Variants in CLNK observed in about 807,000 individuals in gnomAD.
CLNK encodes the protein cytokine dependent hematopoietic cell linker.
In CLNK, 74 loss-of-function variants were observed where a neutral mutation model predicts 68.6. The ratio of observed to expected loss-of-function variants is 1.08; its 90% CI spans 0.89 to 1.31. The LOEUF (loss-of-function observed/expected upper bound fraction) is 1.31, where lower values mean the gene tolerates loss of function less well. Ranked by LOEUF, CLNK falls within the 50% of genes most tolerant of loss-of-function variation. The probability of loss-of-function intolerance (pLI) is 0.00; values close to 1 mark genes in which losing one functional copy is unlikely to be tolerated. For synonymous variants in CLNK, 198 were observed against 172.2 expected (o/e 1.15, Z -1.17); for missense variants, 553 against 515.3 (o/e 1.07, Z -0.71).
intron 1 of CLNK, among the ~76,000 whole-genome samples, chr4:10,682,052 T>A (rs1725111380): frequency 6.6e-6 from 1 of 152,054 alleles, no homozygotes; most frequent in South Asian, 2.1e-4. Context: ...ATTCTGCCCA[T>A]AAGAGTAACA....
At chr4:10,678,832 A>G (rs1724974002) in intron 1 of CLNK, among the ~76,000 whole-genome samples, 1 of 152,206 alleles carries the variant, frequency 6.6e-6, no homozygotes, top group Admixed American at 6.5e-5. Context: ...CTTCAAGGAG[A>G]ACTACAAACC....
chr4:10,514,722 A>C (rs1560196466), intron 15 of CLNK, among the ~76,000 whole-genome samples: 1 of 151,226 alleles, frequency 6.6e-6, no homozygotes, highest in Admixed American at 6.6e-5. Flanking sequence ...CACCAAAAGC[A>C]ATGGCAACCA....
chr4:10,549,667 A>G (rs1242031683), intron 8 of CLNK, among the ~76,000 whole-genome samples: 1 of 152,224 alleles, frequency 6.6e-6, no homozygotes, highest in Non-Finnish European at 1.5e-5. Context: ...TGCAGTTACT[A>G]CTATTATTAT....
At chr4:10,727,726 A>G in the CLNK span, among the ~76,000 whole-genome samples, 5 of 152,240 alleles carry the variant, frequency 3.3e-5, no homozygotes, top group Middle Eastern at 3.2e-3. Flanking sequence ...AAGCTGTCCA[A>G]CACTAGAGCA....
intron 9 of CLNK, 43 bp from the exon 10 acceptor site, chr4:10,542,084 T>A: frequency 6.5e-7 from 1 of 1,527,396 alleles, no homozygotes; most frequent in Non-Finnish European, 9.0e-7. Flanking sequence ...TATTGTTCTG[T>A]GAGCAGGGCC....
intron 16 of CLNK, 65 bp from the exon 17 acceptor site, chr4:10,508,101 A>G: frequency 7.8e-7 from 1 of 1,289,828 alleles, no homozygotes; most frequent in East Asian, 2.5e-5. Flanking sequence ...TTGATTAATT[A>G]ATTCAAAATT....
At position 10,667,881 on chromosome 4, in the gene CLNK, C is replaced by A. The variant is rs770040155; in HGVS notation, c.-12G>T. On this transcript the variant is annotated 5_prime_UTR_variant, in exon 2 of 19. Coordinates refer to ENST00000226951, the MANE Select transcript of CLNK (RefSeq NM_052964.4). ...TACTGCCTGTTCATAGTTCTTGGCA[C>A]CTGGCGGGTAAGAGGGATCTTCAAT... The A allele has an allele frequency of 6.4e-5, 102 of 1,587,994 alleles. No homozygotes were observed. Among genetic ancestry groups the A allele is most frequent in the Non-Finnish European group, 8.8e-5 (102 of 1,165,516 alleles).
chr4:10,700,649 T>G, the CLNK span, among the ~76,000 whole-genome samples: 5 of 152,166 alleles, frequency 3.3e-5, no homozygotes, highest in African/African-American at 9.7e-5. Flanking sequence ...AGCTCAGGCC[T>G]CAGGACTCTA....
chr4:10,631,571 C>A (rs1329528687), intron 2 of CLNK, among the ~76,000 whole-genome samples: 5 of 152,054 alleles, frequency 3.3e-5, no homozygotes, highest in Non-Finnish European at 1.5e-5. Flanking sequence ...CATGTATATG[C>A]AATGGTCAGG....
At chr4:10,683,045 C>T (rs908104746) in intron 1 of CLNK, among the ~76,000 whole-genome samples, 2 of 152,064 alleles carry the variant, frequency 1.3e-5, no homozygotes, top group African/African-American at 4.8e-5. Flanking sequence ...GTTAAGAATG[C>T]ACCATATTTC....
intron 6 of CLNK, among the ~76,000 whole-genome samples, chr4:10,564,978 A>G (rs879582126): frequency 6.6e-6 from 1 of 152,204 alleles, no homozygotes. Flanking sequence ...AAAAAATGCC[A>G]AAGTTTGAAC....
At chr4:10,500,686 A>G (rs1414770940) in intron 18 of CLNK, among the ~76,000 whole-genome samples, 1 of 150,310 alleles carries the variant, frequency 6.7e-6, no homozygotes, top group Non-Finnish European at 1.5e-5. Flanking sequence ...AAAAAAAAAA[A>G]TGCAGATAGA....
At chr4:10,630,592 G>T (rs536860541) in intron 2 of CLNK, among the ~76,000 whole-genome samples, 124 of 152,310 alleles carry the variant, frequency 8.1e-4, no homozygotes, top group African/African-American at 2.8e-3. Flanking sequence ...GCACTATAGA[G>T]GGAGAGGGAA....
the CLNK span, among the ~76,000 whole-genome samples, chr4:10,718,741 G>A: frequency 1.3e-5 from 2 of 151,978 alleles, no homozygotes; most frequent in African/African-American, 4.8e-5. Flanking sequence ...AACACAGTAA[G>A]CTAAAATATG....
intron 1 of CLNK, among the ~76,000 whole-genome samples, chr4:10,672,624 T>C (rs1724692875): frequency 6.6e-6 from 1 of 152,138 alleles, no homozygotes; most frequent in Non-Finnish European, 1.5e-5. Flanking sequence ...ACTGATGTAA[T>C]CATAGAATCT....
chr4:10,689,018 C>T (rs1725364824), upstream of CLNK, among the ~76,000 whole-genome samples: 1 of 152,036 alleles, frequency 6.6e-6, no homozygotes. Flanking sequence ...TAATTCACTT[C>T]CTCTTTCTAA....
Position 10,550,352 on chromosome 4 carries a change from G to A in CLNK, c.445+8055C>T, listed in dbSNP as rs973479505. On this transcript the variant is annotated intron_variant, in intron 8 of 18. Coordinates refer to ENST00000226951, the MANE Select transcript of CLNK (RefSeq NM_052964.4). ...ACTAAAAAATACAACACAATTAGCCGGGCGTGGTGGCGGGCGCCTGTAGTC... is the reference window on the plus strand; with the variant it reads ...ACTAAAAAATACAACACAATTAGCCAGGCGTGGTGGCGGGCGCCTGTAGTC... Among the ~76,000 whole-genome samples, 8 of 152,132 alleles carry A rather than the reference G, an allele frequency of 5.3e-5. No individual in the cohort carries two copies. In the East Asian group the frequency reaches 1.4e-3, roughly 26 times the overall value.
At chr4:10,588,142 T>G (rs1721038871) in intron 3 of CLNK, among the ~76,000 whole-genome samples, 1 of 152,344 alleles carries the variant, frequency 6.6e-6, no homozygotes. Context: ...GAGCTTAATG[T>G]AAGCGTGGCA....
chr4:10,611,645 C>T (rs547252274), intron 2 of CLNK, among the ~76,000 whole-genome samples: 100 of 152,212 alleles, frequency 6.6e-4, no homozygotes, highest in African/African-American at 2.2e-3. Context: ...CTTTATGATC[C>T]CAGCAGGTCC....
Sources: gnomAD v4.1 joint callset for allele counts (sites outside exome capture counted in the v4.1 genomes callset) on GRCh38, gnomAD v4.1.1 for gene constraint, MANE v1.5 for transcripts, NCBI Gene and HGNC (gene_info 2026-07-23, HGNC 2026-07-21) for gene names.